The following ALMS1 variants were observed in gnomAD, a reference collection of about 807,000 sequenced individuals.
ALMS1 encodes ALMS1 centrosome and basal body associated protein.
ALMS1 carries 271 observed loss-of-function variants against 352.2 expected under a neutral mutation model. The observed-to-expected ratio is 0.77, with a 90% CI of 0.70 to 0.85. The LOEUF (loss-of-function observed/expected upper bound fraction) is 0.85. Among genes scored for constraint, ALMS1 ranks in the 40% least tolerant of loss-of-function variants. The pLI is 0.00. For missense variants in ALMS1, 5,445 were observed against 4,870.7 expected, an observed-to-expected ratio of 1.12 and a Z score of -3.51; for synonymous variants, 1,865 against 1,761.2, an observed-to-expected ratio of 1.06 and a Z score of -1.48.
At chr2:73,492,633 A>T (rs1673014543) in intron 10 of ALMS1, among the ~76,000 whole-genome samples, 1 of 152,214 alleles carries the variant, frequency 6.6e-6, no homozygotes, top group South Asian at 2.1e-4. Context: ...AAAGTCCCTT[A>T]TAGCTCTAAA....
At chr2:73,556,290 A>G (rs1381581022) in intron 13 of ALMS1, among the ~76,000 whole-genome samples, 1 of 152,172 alleles carries the variant, frequency 6.6e-6, no homozygotes, top group Non-Finnish European at 1.5e-5. Flanking sequence ...TGAATTTAAA[A>G]GAGGTAGCAA....
chr2:73,588,228 G>T (rs867533388), intron 16 of ALMS1, among the ~76,000 whole-genome samples: 14 of 152,080 alleles, frequency 9.2e-5, no homozygotes, highest in South Asian at 2.1e-4. Context: ...CTGTTGACTC[G>T]CTCTTTCTGT....
intron 3 of ALMS1, 80 bp downstream of exon 3, chr2:73,419,398 C>A (rs1490720643): frequency 3.6e-6 from 5 of 1,394,852 alleles, no homozygotes; most frequent in Non-Finnish European, 5.1e-6. Context: ...GTAACTTTCC[C>A]CTTTTTGAGT....
chr2:73,521,950 A>G (rs1359806954), intron 11 of ALMS1, among the ~76,000 whole-genome samples: 1 of 152,162 alleles, frequency 6.6e-6, no homozygotes, highest in Admixed American at 6.5e-5. Flanking sequence ...TTTTTTGTAC[A>G]AAACATTTTA....
At chr2:73,434,701 TTTAA>T (rs1229894172) in intron 7 of ALMS1, among the ~76,000 whole-genome samples, 1 of 152,256 alleles carries the variant, frequency 6.6e-6, no homozygotes, top group Non-Finnish European at 1.5e-5. Flanking sequence ...ACTCTTTTTG[TTTAA>T]TTGTCTATTT....
rs756592287 is a variant in ALMS1 at position 73,609,588 on chromosome 2, G to C, written c.12483G>C (p.Leu4161=). 6.2e-7 allele frequency: 1 copy of C among 1,614,058 alleles called. No homozygotes were observed. Among genetic ancestry groups the C allele is most frequent in the Non-Finnish European group, 8.5e-7 (1 of 1,179,960 alleles). ...LYKKRVTNQL[L]GRKVPWD ...TACAGAGAGTGACCAATCAACTTCT[G>C]GGGAGAAAAGTTCCCTGGGACTGAC... is the stretch of plus-strand genomic sequence containing the variant. The change falls in exon 23 of 23, where the codon CTG becomes CTC. Residue 4161 remains leucine (L), a synonymous_variant. Transcript: ENST00000613296.
At chr2:73,392,823 A>T (rs547786007) in intron 1 of ALMS1, among the ~76,000 whole-genome samples, 38 of 152,214 alleles carry the variant, frequency 2.5e-4, no homozygotes, top group Middle Eastern at 3.4e-3. Context: ...ATATAAGTGT[A>T]TGTGTGGACA....
intron 1 of ALMS1, among the ~76,000 whole-genome samples, chr2:73,400,765 A>T (rs1670857624): frequency 1.3e-5 from 2 of 152,038 alleles, no homozygotes; most frequent in South Asian, 4.2e-4. Context: ...AATGTCCATG[A>T]GATCTGTTGT....
intron 16 of ALMS1, among the ~76,000 whole-genome samples, chr2:73,581,340 G>A (rs1001081573): frequency 3.9e-5 from 6 of 152,162 alleles, no homozygotes; most frequent in African/African-American, 9.7e-5. Flanking sequence ...GTCAGTCCAC[G>A]GCTAATACTC....
At position 73,419,239 on chromosome 2, in the gene ALMS1, T is replaced by G. The variant is rs754250279; in HGVS notation, c.567T>G (p.Ser189=). The G allele has an allele frequency of 6.2e-7, 1 of 1,613,970 alleles. No individual in the cohort carries two copies. ...ATACTGAAGTGACAGACTTCCCCTC[T>G]CTGGAGGAGGGCATATTGACGCAAT... ...TEDTEVTDFP[S]LEEGILTQSE... is the part of the protein sequence containing the mutation. Residue 189 remains serine (S), a synonymous_variant, in exon 3 of 23, where the codon TCT becomes TCG. Transcript: ENST00000613296.
At chr2:73,464,410 A>G (rs1471133653) in intron 9 of ALMS1, among the ~76,000 whole-genome samples, 1 of 152,232 alleles carries the variant, frequency 6.6e-6, no homozygotes, top group Non-Finnish European at 1.5e-5. Context: ...TCATGCTAGA[A>G]ACTCTCAATA....
chr2:73,465,021 C>G (rs1406133826), intron 9 of ALMS1, among the ~76,000 whole-genome samples: 1 of 148,358 alleles, frequency 6.7e-6, no homozygotes, highest in Non-Finnish European at 1.5e-5. Context: ...CCATACTGCC[C>G]AAGGTAATTT....
In ALMS1 at chr2:73,572,645, C is replaced by A; in HGVS notation, c.10768C>A (p.Gln3590Lys). Residue 3590 changes from glutamine (Q) to lysine (K), a missense_variant, in exon 16 of 23, where the codon CAA becomes AAA. Gln to Lys is a moderately conservative substitution (Grantham distance 53). Transcript: ENST00000613296. ...AAGGGATCAGAAGGTCACCCCAGAG[C>A]AAACAACTCAGCACACTGTGAGTTT... ...PQRDQKVTPE[Q>K]TTQHTVSLNE... The A allele has an allele frequency of 6.2e-6, 10 of 1,614,062 alleles. No individual in the cohort carries two copies. Among genetic ancestry groups the A allele is most frequent in the Non-Finnish European group, 8.5e-6 (10 of 1,180,000 alleles).
At chr2:73,464,452 A>C (rs961095657) in intron 9 of ALMS1, among the ~76,000 whole-genome samples, 52 of 152,352 alleles carry the variant, frequency 3.4e-4, no homozygotes, top group Non-Finnish European at 3.5e-4. Context: ...ATCTCAAAAT[A>C]ATAAGAGCTA....
At chr2:73,483,547 C>A (rs1383852219) in intron 9 of ALMS1, among the ~76,000 whole-genome samples, 1 of 151,658 alleles carries the variant, frequency 6.6e-6, no homozygotes, top group South Asian at 2.1e-4. Context: ...AATGTATATT[C>A]TGTTGATTTG....
At chr2:73,466,947 T>G (rs1370407214) in intron 9 of ALMS1, among the ~76,000 whole-genome samples, 3 of 152,150 alleles carry the variant, frequency 2.0e-5, no homozygotes, top group African/African-American at 7.2e-5. Flanking sequence ...GCTTGATAAC[T>G]ATATGTGTTA....
At position 73,519,942 on chromosome 2, in the gene ALMS1, A is replaced by G. The variant is rs747960787; in HGVS notation, c.9707A>G (p.Lys3236Arg). 11 of 1,613,998 alleles carry G rather than the reference A, an allele frequency of 6.8e-6. No homozygotes were observed. The South Asian group carries it at 1.2e-4, about 18-fold the overall frequency. The change falls in exon 11 of 23, where the codon AAG (lysine) becomes AGG (arginine). Residue 3236 changes from lysine (K) to arginine (R), a missense_variant. Physicochemically the swap from Lys to Arg is conservative, Grantham distance 26 (BLOSUM62 2). Coordinates refer to ENST00000613296, the MANE Select transcript of ALMS1 (RefSeq NM_001378454.1). ...GAAATTATAGAGCCTGGTAACCAGA[A>G]GCTACGCAAAGCTCCTGTCAAGTTT... ...GHEIIEPGNQ[K>R]LRKAPVKFAS...
At chr2:73,574,936 C>T (rs774380557) in intron 16 of ALMS1, among the ~76,000 whole-genome samples, 1 of 152,162 alleles carries the variant, frequency 6.6e-6, no homozygotes, top group Non-Finnish European at 1.5e-5. Context: ...TCCCTCTTCT[C>T]ACCAGCCCCC....
In ALMS1 at chr2:73,450,932, C is replaced by A. The variant is rs373638043; in HGVS notation, c.4405C>A (p.Pro1469Thr). The change falls in exon 8 of 23, where the codon CCA (proline) becomes ACA (threonine). Residue 1469 changes from proline to threonine, a missense_variant. By Grantham distance (38) the Pro-to-Thr change is conservative. Coordinates refer to ENST00000613296, the MANE Select transcript of ALMS1 (RefSeq NM_001378454.1). ...PGPVDQTIGT[P>T]TVTSPSSSFG... ...ACCAGTTGACCAGACGATTGGCACA[C>A]CAACTGTAACCTCCCCTTCCAGCTC... 2.9e-5 allele frequency: 46 copies of A among 1,613,822 alleles called. No individual in the cohort carries two copies. The highest frequency in any genetic ancestry group is 8.3e-5 in the Admixed American group (5 of 59,980).
Sources: allele counts gnomAD v4.1 joint callset (sites outside exome capture counted in the v4.1 genomes callset), GRCh38; gene constraint gnomAD v4.1.1; transcripts MANE v1.5; gene names NCBI Gene and HGNC (gene_info 2026-07-23, HGNC 2026-07-21).